The following ZFHX3 variants were observed in gnomAD, a reference collection of about 807,000 sequenced individuals.
ZFHX3 encodes zinc finger homeobox 3.
In ZFHX3, 42 loss-of-function variants were observed where a neutral mutation model predicts 279.1. That is an observed-to-expected ratio of 0.15 (90% CI 0.12 to 0.19). The LOEUF (loss-of-function observed/expected upper bound fraction) is 0.19, where lower values mean the gene tolerates loss of function less well. ZFHX3 is among the 10% of genes least tolerant of loss of function. The pLI is 1.00. For synonymous variants in ZFHX3, 2,293 were observed against 1,957.8 expected, an observed-to-expected ratio of 1.17 and a Z score of -4.52; for missense variants, 4,981 against 4,754.0, an observed-to-expected ratio of 1.05 and a Z score of -1.40.
At chr16:73,720,644 TAA>T (rs1179226574) in intron 1 of ZFHX3, among the ~76,000 whole-genome samples, 1 of 152,220 alleles carries the variant, frequency 6.6e-6, no homozygotes, top group East Asian at 1.9e-4. Context: ...GGAAAAACTC[TAA>T]GAGACTGCTA....
In ZFHX3 at chr16:72,881,495, G is replaced by A. The variant is rs568155395; in HGVS notation, c.3448+8236C>T. 9.8e-5 allele frequency among the ~76,000 whole-genome samples: 15 copies of A among 152,346 alleles called. No homozygotes were observed. The South Asian group carries it at 2.9e-3, about 29-fold the overall frequency. ...CCTTTGAGCTATTTCTGTACGCAGA[G>A]AGATAGATGCATGTTCTATTTCCTC... On this transcript the variant is annotated intron_variant, in intron 4 of 9. Coordinates refer to ENST00000268489, the MANE Select transcript of ZFHX3 (RefSeq NM_006885.4).
At chr16:72,842,267 G>C (rs2037361569) in intron 4 of ZFHX3, among the ~76,000 whole-genome samples, 1 of 151,756 alleles carries the variant, frequency 6.6e-6, no homozygotes, top group Non-Finnish European at 1.5e-5. Flanking sequence ...GCCCAGGCTG[G>C]AGTGCAGTGG....
intron 3 of ZFHX3, among the ~76,000 whole-genome samples, chr16:73,339,866 A>T (rs1292003858): frequency 6.6e-6 from 1 of 152,248 alleles, no homozygotes; most frequent in Non-Finnish European, 1.5e-5. Flanking sequence ...CTGATGCTTC[A>T]GCTGCTGACG....
intron 1 of ZFHX3, among the ~76,000 whole-genome samples, chr16:73,886,888 G>A (rs937145246): frequency 9.2e-5 from 14 of 152,176 alleles, no homozygotes; most frequent in African/African-American, 3.1e-4. Flanking sequence ...CTAGCTGAAG[G>A]ACCAGTCTGT....
At chr16:73,805,605 T>C (rs973420548) in intron 1 of ZFHX3, among the ~76,000 whole-genome samples, 2 of 152,176 alleles carry the variant, frequency 1.3e-5, no homozygotes, top group South Asian at 4.1e-4. Context: ...AGTGGATGGG[T>C]GGAAATCACT....
rs554526077 is a variant in ZFHX3, at chr16:73,295,979, T to C, written c.-1194+22261A>G. Among the ~76,000 whole-genome samples the C allele has an allele frequency of 1.2e-4, 19 of 152,322 alleles. No homozygotes were observed. In the South Asian group the frequency reaches 2.1e-3, roughly 17 times the overall value. On this transcript the variant is annotated intron_variant, in intron 4 of 17. Coordinates refer to the ZFHX3 transcript ENST00000641206. ...AGCAGGAATGGTGCCCCAGCCACTG[T>C]TGGCTCCCTGGATGGGGTCTAATGG...
intron 5 of ZFHX3, among the ~76,000 whole-genome samples, chr16:73,222,837 A>C (rs1472322333): frequency 1.3e-5 from 2 of 152,212 alleles, no homozygotes; most frequent in Non-Finnish European, 2.9e-5. Context: ...AGCCACAGCA[A>C]TTGAGACAGT....
chr16:73,612,028 T>A (rs1232046907), intron 2 of ZFHX3, among the ~76,000 whole-genome samples: 1 of 151,634 alleles, frequency 6.6e-6, no homozygotes, highest in African/African-American at 2.4e-5. Context: ...ACATAACATG[T>A]TTTTTTAGTT....
At chr16:73,146,398 AG>A (rs374988196) in intron 5 of ZFHX3, among the ~76,000 whole-genome samples, 1 of 151,962 alleles carries the variant, frequency 6.6e-6, no homozygotes, top group South Asian at 2.1e-4. Flanking sequence ...ACTGCACTCC[AG>A]CCTGGTGACA....
chr16:73,277,209 C>T (rs560772792), intron 4 of ZFHX3, among the ~76,000 whole-genome samples: 1 of 152,342 alleles, frequency 6.6e-6, no homozygotes, highest in Non-Finnish European at 1.5e-5. Flanking sequence ...GCATTTTAAT[C>T]ATGACAAATC....
intron 7 of ZFHX3, chr16:73,130,900 G>T (rs150887559): frequency 2.4e-6 from 3 of 1,245,808 alleles, no homozygotes; most frequent in Non-Finnish European, 3.2e-6. Context: ...GAGCCAACAC[G>T]CTGGGCCCAG....
At position 73,834,755 on chromosome 16, in the gene ZFHX3, G is replaced by A. The variant is rs563275629; in HGVS notation, c.-1608+56896C>T. Among the ~76,000 whole-genome samples, 7 of 152,322 alleles carry A rather than the reference G, an allele frequency of 4.6e-5. No individual in the cohort carries two copies. The South Asian group carries it at 1.4e-3, about 32-fold the overall frequency. On this transcript the variant is annotated intron_variant, in intron 1 of 17. Coordinates refer to the ZFHX3 transcript ENST00000641206. ...AAAATACAAAATTTAGCTGGGCATGGTGGCGCATGCCTGTAGTCCCAGCTA... is the reference window on the plus strand; with the variant it reads ...AAAATACAAAATTTAGCTGGGCATGATGGCGCATGCCTGTAGTCCCAGCTA...
At chr16:73,145,850 C>G (rs1398007238) in intron 5 of ZFHX3, among the ~76,000 whole-genome samples, 1 of 152,174 alleles carries the variant, frequency 6.6e-6, no homozygotes, top group Non-Finnish European at 1.5e-5. Context: ...AGAGGTCCTG[C>G]AAGTCCAAGA....
intron 4 of ZFHX3, among the ~76,000 whole-genome samples, chr16:72,877,880 G>A (rs1377879732): frequency 6.6e-6 from 1 of 152,226 alleles, no homozygotes; most frequent in African/African-American, 2.4e-5. Flanking sequence ...GCCACGGGTT[G>A]AGTGGTGAAG....
intron 4 of ZFHX3, among the ~76,000 whole-genome samples, chr16:72,840,340 G>C (rs1031593325): frequency 6.6e-6 from 1 of 152,140 alleles, no homozygotes; most frequent in Non-Finnish European, 1.5e-5. Context: ...GATGGCTCTC[G>C]TAACAGGAGC....
chr16:73,382,508 ATGATT>A (rs1329087592), intron 3 of ZFHX3, among the ~76,000 whole-genome samples: 1 of 152,094 alleles, frequency 6.6e-6, no homozygotes, highest in Non-Finnish European at 1.5e-5. Context: ...AGAGAATAAT[ATGATT>A]TATGTTTTAA....
At chr16:72,800,736 GCCTTTTTT>G (rs2036073017) in intron 7 of ZFHX3, among the ~76,000 whole-genome samples, 1 of 152,116 alleles carries the variant, frequency 6.6e-6, no homozygotes, top group South Asian at 2.1e-4. Flanking sequence ...GCACAAACAA[GCCTTTTTT>G]TGTGACTCAC....
chr16:73,191,034 A>G (rs12923888), intron 5 of ZFHX3, among the ~76,000 whole-genome samples: 35,457 of 151,966 alleles, frequency 0.23, 4,939 homozygotes, highest in Non-Finnish European at 0.33. Context: ...TCCATGGCTG[A>G]AAAGGATCCT....
intron 2 of ZFHX3, among the ~76,000 whole-genome samples, chr16:73,507,504 T>C (rs945717582): frequency 4.0e-4 from 57 of 142,108 alleles, no homozygotes; most frequent in African/African-American, 1.4e-3. Context: ...TTTTTTTTTT[T>C]TTTTTTTTTG....
Sources: allele counts gnomAD v4.1 joint callset (sites outside exome capture counted in the v4.1 genomes callset), GRCh38; gene constraint gnomAD v4.1.1; transcripts MANE v1.5; gene names NCBI Gene and HGNC (gene_info 2026-07-23, HGNC 2026-07-21).